CLCN5: variants seen among roughly 807,000 people sequenced by gnomAD.
CLCN5 encodes H(+)/Cl(-) exchange transporter 5.
Under a neutral mutation model 54.0 loss-of-function variants are expected in CLCN5, and 17 were observed. The observed-to-expected ratio is 0.31, with a 90% CI of 0.22 to 0.47. The LOEUF is 0.47. CLCN5 is among the 20% of genes least tolerant of loss of function. CLCN5 has a pLI of 1.00. For missense variants in CLCN5, 448 were observed against 646.7 expected (o/e 0.69, Z 3.33); for synonymous variants, 222 against 233.0 (o/e 0.95, Z 0.43).
chrX:49,933,470 C>T (rs782818908), intron 3 of CLCN5, among the ~76,000 whole-genome samples: 7 of 111,915 alleles, frequency 6.3e-5, no homozygotes, highest in Non-Finnish European at 1.1e-4. Context: ...GTGCGATAAC[C>T]TGAATCTGAA....
At chrX:49,995,604 AAAGC>A (rs1180264700) in intron 3 of CLCN5, among the ~76,000 whole-genome samples, 4 of 111,771 alleles carry the variant, frequency 3.6e-5, no homozygotes, top group Non-Finnish European at 7.5e-5. Flanking sequence ...GCTCCTAAGA[AAAGC>A]ATCAATGAAG....
chrX:49,937,894 C>A (rs1461965670), intron 3 of CLCN5, among the ~76,000 whole-genome samples: 1 of 111,469 alleles, frequency 9.0e-6, no homozygotes, highest in African/African-American at 3.3e-5. Context: ...TATAAATTAC[C>A]TAATATTTAC....
intron 6 of CLCN5, among the ~76,000 whole-genome samples, chrX:50,073,002 G>T (rs1933276051): frequency 9.1e-6 from 1 of 110,193 alleles, no homozygotes; most frequent in Admixed American, 9.7e-5. Flanking sequence ...ATTTGGTGAT[G>T]CAGAAAAGCA....
At chrX:49,951,427 C>G (rs1927039619) in intron 3 of CLCN5, among the ~76,000 whole-genome samples, 2 of 112,050 alleles carry the variant, frequency 1.8e-5, no homozygotes, top group East Asian at 2.8e-4. Context: ...TAGGTACATT[C>G]TAGAGTTTTA....
intron 4 of CLCN5, among the ~76,000 whole-genome samples, chrX:50,066,163 T>TAAAAAAAA (rs11393952): frequency 2.2e-5 from 1 of 45,208 alleles, no homozygotes; most frequent in Non-Finnish European, 3.9e-5. Flanking sequence ...AAAGTATAAT[T>TAAAAAAAA]AAAAAAAAAA....
At chrX:49,934,117 T>C (rs1362656349) in intron 3 of CLCN5, among the ~76,000 whole-genome samples, 1 of 111,099 alleles carries the variant, frequency 9.0e-6, no homozygotes, top group East Asian at 2.8e-4. Context: ...TCCTACTGCA[T>C]TGCACTGCCT....
chrX:49,924,105 G>C (rs1209525328), intron 2 of CLCN5, among the ~76,000 whole-genome samples: 2 of 109,174 alleles, frequency 1.8e-5, no homozygotes, highest in Non-Finnish European at 3.8e-5. Context: ...GTCAAACTAA[G>C]TCGTCAGACC....
chrX:49,991,888 G>A (rs1487079238), intron 3 of CLCN5, among the ~76,000 whole-genome samples: 3 of 111,592 alleles, frequency 2.7e-5, no homozygotes, highest in African/African-American at 9.8e-5. Context: ...GTTAGTGGGT[G>A]TGTATGTTAT....
At chrX:50,059,862 A>G (rs934327774) in intron 4 of CLCN5, among the ~76,000 whole-genome samples, 2 of 108,537 alleles carry the variant, frequency 1.8e-5, no homozygotes, top group Non-Finnish European at 3.8e-5. Context: ...CAGCTATGCA[A>G]TCCATAGGAA....
At chrX:50,057,884 G>A (rs958685644) in intron 4 of CLCN5, among the ~76,000 whole-genome samples, 3 of 110,745 alleles carry the variant, frequency 2.7e-5, no homozygotes, top group Non-Finnish European at 3.8e-5. Context: ...AATGGGATGT[G>A]AAAGAGTTTA....
chrX:49,995,517 T>C (rs181756175), intron 3 of CLCN5, among the ~76,000 whole-genome samples: 9 of 111,769 alleles, frequency 8.1e-5, no homozygotes, highest in Non-Finnish European at 1.5e-4. Flanking sequence ...TGTGTCTAAG[T>C]GCTATGTGAG....
intron 4 of CLCN5, among the ~76,000 whole-genome samples, chrX:50,059,279 T>C (rs1379149433): frequency 8.9e-6 from 1 of 111,986 alleles, no homozygotes; most frequent in Non-Finnish European, 1.9e-5. Context: ...ATTGTTTTTC[T>C]TATTCTAAAA....
Position 50,056,551 on chromosome X carries a change from G to T in CLCN5, c.164-13328G>T, listed in dbSNP as rs782714416. 8.1e-5 allele frequency among the ~76,000 whole-genome samples: 9 copies of T among 111,711 alleles called. No individual in the cohort carries two copies. In the East Asian group the frequency reaches 2.3e-3, roughly 28 times the overall value. ...TTTCTGTGGCATCTTAGTCCAGTGG[G>T]AGCCTGCAGATACCAAGCCAAAGTC... On this transcript the variant is annotated intron_variant, in intron 4 of 14. Transcript: ENST00000376091.
intron 4 of CLCN5, among the ~76,000 whole-genome samples, chrX:50,049,332 A>G (rs1932501615): frequency 8.9e-6 from 1 of 112,126 alleles, no homozygotes; most frequent in African/African-American, 3.2e-5. Flanking sequence ...GCAATAGGCT[A>G]TACCATACAG....
chrX:50,014,053 G>A (rs1930659344), intron 3 of CLCN5, among the ~76,000 whole-genome samples: 1 of 111,770 alleles, frequency 8.9e-6, no homozygotes, highest in African/African-American at 3.3e-5. Flanking sequence ...CATGGGCTCA[G>A]GGTGCCAGAA....
intron 9 of CLCN5, among the ~76,000 whole-genome samples, chrX:50,083,871 G>C (rs1378318825): frequency 8.9e-6 from 1 of 112,093 alleles, no homozygotes; most frequent in Admixed American, 9.4e-5. Context: ...TTGCATGGAT[G>C]AAGGTGAATT....
rs782153616 is a variant in CLCN5, at chrX:49,942,795, G to A, written c.16+17481G>A. ...CATATGTGTCACATTTTCTTAATCCGGTCTATCATTGCTGGACACTTGGGT... is the reference window on the plus strand; with the variant it reads ...CATATGTGTCACATTTTCTTAATCCAGTCTATCATTGCTGGACACTTGGGT... On this transcript the variant is annotated intron_variant, in intron 3 of 14. Transcript: ENST00000376091. Among the ~76,000 whole-genome samples, 309 of 109,758 alleles carry A rather than the reference G, an allele frequency of 2.8e-3. 2 individuals are homozygous for A. The highest frequency in any genetic ancestry group is 1.0e-2 in the African/African-American group (299 of 29,985).
Position 50,002,667 on chromosome X carries a change from C to CTG in CLCN5, c.17-39648_17-39647insGT, listed in dbSNP as rs1233122052. Among the ~76,000 whole-genome samples, 96 of 97,352 alleles carry CTG rather than the reference C, an allele frequency of 9.9e-4. 2 individuals carry two copies. In the East Asian group the frequency reaches 0.018, roughly 18 times the overall value. 84.5% of individuals were successfully genotyped at this position (97,352 alleles called of 115,157 possible). A position where few individuals can be genotyped will look rare whatever the true frequency, so the allele number is the denominator to read the frequency against. ...TCTGTCTCTGTCTCTGTCTCTGTCT[C>CTG]TCTCTCTCTCTCTCTGTGTGTGTGT... On this transcript the variant is annotated intron_variant, in intron 3 of 14. Transcript: ENST00000376091.
chrX:49,946,199 T>C (rs1358768132), intron 3 of CLCN5, among the ~76,000 whole-genome samples: 1 of 112,647 alleles, frequency 8.9e-6, no homozygotes, highest in African/African-American at 3.2e-5. Context: ...TAATAAAACA[T>C]TGTTTGCTAT....
Sources: gnomAD v4.1 joint callset for allele counts (sites outside exome capture counted in the v4.1 genomes callset) on GRCh38, gnomAD v4.1.1 for gene constraint, MANE v1.5 for transcripts, NCBI Gene and HGNC (gene_info 2026-07-23, HGNC 2026-07-21) for gene names.